The following EFCAB6 variants were observed in gnomAD, a reference collection of about 807,000 sequenced individuals.
EFCAB6 encodes the protein EF-hand calcium binding domain 6.
A neutral mutation model predicts 169.8 loss-of-function variants in EFCAB6; 156 were observed. The ratio of observed to expected loss-of-function variants is 0.92; its 90% CI spans 0.81 to 1.05. The LOEUF is 1.05. Ranked by LOEUF, EFCAB6 falls within the 50% of genes least tolerant of loss-of-function variation. EFCAB6 has a pLI of 0.00. For missense variants in EFCAB6, 1,800 were observed against 1,829.1 expected (o/e 0.98, Z 0.29); for synonymous variants, 698 against 676.4 (o/e 1.03, Z -0.50).
intron 17 of EFCAB6, among the ~76,000 whole-genome samples, chr22:43,662,201 TA>T (rs2057039723): frequency 6.9e-6 from 1 of 145,574 alleles, no homozygotes; most frequent in Non-Finnish European, 1.5e-5. Context: ...ATAATAATAA[TA>T]ATTTATAGAG....
At chr22:43,655,630 G>A (rs116606414) in intron 17 of EFCAB6, among the ~76,000 whole-genome samples, 99 of 151,964 alleles carry the variant, frequency 6.5e-4, no homozygotes, top group African/African-American at 2.3e-3. Flanking sequence ...TACAATGACA[G>A]ATATAAAGCC....
chr22:43,703,036 G>A (rs2058824083), intron 10 of EFCAB6, among the ~76,000 whole-genome samples: 2 of 152,156 alleles, frequency 1.3e-5, no homozygotes. Flanking sequence ...TTCTACTAGA[G>A]TAAAGTGTCA....
At chr22:43,569,510 A>G (rs1221474834) in intron 26 of EFCAB6, among the ~76,000 whole-genome samples, 1 of 152,236 alleles carries the variant, frequency 6.6e-6, no homozygotes, top group Non-Finnish European at 1.5e-5. Context: ...ACCAAGCTCA[A>G]AGCCTGAGGA....
chr22:43,609,578 T>C (rs1048059171), intron 21 of EFCAB6, among the ~76,000 whole-genome samples: 6 of 152,182 alleles, frequency 3.9e-5, no homozygotes, highest in Non-Finnish European at 8.8e-5. Context: ...TAGAAAGGCC[T>C]AGGAATAAAT....
chr22:43,637,073 C>T (rs2055460005), intron 17 of EFCAB6, among the ~76,000 whole-genome samples: 2 of 152,176 alleles, frequency 1.3e-5, no homozygotes, highest in African/African-American at 4.8e-5. Context: ...CCAAAGAGGC[C>T]ACATAGGCAA....
At chr22:43,600,343 G>T in intron 22 of EFCAB6, 80 bp from the exon 23 acceptor site, 3 of 1,420,308 alleles carry the variant, frequency 2.1e-6, no homozygotes, top group Non-Finnish European at 2.9e-6. Context: ...GAAAATGCCT[G>T]CACCATCCAT....
At chr22:43,754,202 T>A (rs2060873767) in intron 6 of EFCAB6, among the ~76,000 whole-genome samples, 1 of 152,218 alleles carries the variant, frequency 6.6e-6, no homozygotes, top group Admixed American at 6.5e-5. Flanking sequence ...ATTTATTAAG[T>A]GTTCCAGGTG....
chr22:43,611,474 T>C (rs2147660444), intron 21 of EFCAB6, among the ~76,000 whole-genome samples: 1 of 152,294 alleles, frequency 6.6e-6, no homozygotes, highest in South Asian at 2.1e-4. Context: ...CCAATGGCAT[T>C]CTTCGTAGAG....
intron 5 of EFCAB6, among the ~76,000 whole-genome samples, chr22:43,758,704 T>C (rs2061044463): frequency 6.6e-6 from 1 of 152,234 alleles, no homozygotes; most frequent in African/African-American, 2.4e-5. Flanking sequence ...TAGGATTACT[T>C]TCCTTCTGCT....
At chr22:43,658,183 G>T (rs9614253) in intron 17 of EFCAB6, among the ~76,000 whole-genome samples, 34,860 of 152,028 alleles carry the variant, frequency 0.23, 5,232 homozygotes, top group East Asian at 0.61. Flanking sequence ...AGTGAGTAGA[G>T]ATCGTGCCAC....
chr22:43,668,755 T>C (rs2057364436), intron 16 of EFCAB6, 117 bp downstream of exon 16: 3 of 975,956 alleles, frequency 3.1e-6, no homozygotes, highest in African/African-American at 1.7e-5. Context: ...TAGTGTGCCA[T>C]CTTTCTTATT....
chr22:43,564,417 C>T (rs1048125880), intron 26 of EFCAB6, among the ~76,000 whole-genome samples: 2 of 150,368 alleles, frequency 1.3e-5, no homozygotes, highest in Non-Finnish European at 2.9e-5. Context: ...CACTGCACTC[C>T]AGCCTGGGTG....
intron 16 of EFCAB6, among the ~76,000 whole-genome samples, chr22:43,667,846 G>A (rs745775606): frequency 9.9e-5 from 15 of 152,120 alleles, no homozygotes; most frequent in East Asian, 1.9e-4. Context: ...GCATGTGGGC[G>A]TGGGTGTTCG....
In EFCAB6 at chr22:43,623,165, G is replaced by C. The variant is rs1480032048; in HGVS notation, c.2465+3282C>G. On this transcript the variant is annotated intron_variant, in intron 20 of 31. Coordinates refer to ENST00000262726, the MANE Select transcript of EFCAB6 (RefSeq NM_022785.4). The stretch of plus-strand genomic sequence containing the variant: ...TTCTAAGGATAAAAAAGGAAATTTG[G>C]TATTTTCATTCAGTTAGTCATCCAA... Among the ~76,000 whole-genome samples, 3 of 152,286 alleles carry C rather than the reference G, an allele frequency of 2.0e-5. No homozygotes were observed. The East Asian group carries it at 5.8e-4, about 29-fold the overall frequency.
chr22:43,579,237 A>T (rs1186630720), intron 25 of EFCAB6, among the ~76,000 whole-genome samples: 336 of 105,632 alleles, frequency 3.2e-3, no homozygotes, highest in Middle Eastern at 7.6e-3. Flanking sequence ...CAGGCATCAT[A>T]CCCTACATGC....
intron 6 of EFCAB6, among the ~76,000 whole-genome samples, chr22:43,743,888 G>GTGGA (rs2060460211): frequency 1.3e-5 from 2 of 151,216 alleles, no homozygotes; most frequent in South Asian, 2.1e-4. Context: ...GGGTGGGTGA[G>GTGGA]TGGATGGATG....
chr22:43,742,985 G>A (rs1432191268), intron 6 of EFCAB6, among the ~76,000 whole-genome samples: 1 of 152,234 alleles, frequency 6.6e-6, no homozygotes, highest in African/African-American at 2.4e-5. Flanking sequence ...AGAAAACTCT[G>A]AAGTTCCAAA....
At chr22:43,686,574 A>C (rs9614174) in intron 11 of EFCAB6, among the ~76,000 whole-genome samples, 16,480 of 152,242 alleles carry the variant, frequency 0.11, 1,200 homozygotes, top group Middle Eastern at 0.2. Context: ...AAAAAGAAAC[A>C]GAAGTAACTT....
At chr22:43,626,763 T>C (rs1385398542) in intron 19 of EFCAB6, 84 bp from the exon 20 acceptor site, 23 of 1,312,096 alleles carry the variant, frequency 1.8e-5, no homozygotes, top group Non-Finnish European at 2.4e-5. Flanking sequence ...TAGAGCCTCA[T>C]CTCCACGCGA....
Sources: gnomAD v4.1 joint callset for allele counts (sites outside exome capture counted in the v4.1 genomes callset) on GRCh38, gnomAD v4.1.1 for gene constraint, MANE v1.5 for transcripts, NCBI Gene and HGNC (gene_info 2026-07-23, HGNC 2026-07-21) for gene names.